Variants in MYO18B observed in about 807,000 individuals in gnomAD.
The protein encoded by MYO18B is unconventional myosin-XVIIIb.
A neutral mutation model predicts 273.0 loss-of-function variants in MYO18B; 204 were observed. The observed-to-expected ratio is 0.75, with a 90% confidence interval of 0.67 to 0.84. The LOEUF (loss-of-function observed/expected upper bound fraction) is 0.84, where lower values mean the gene tolerates loss of function less well. MYO18B is among the 40% of genes least tolerant of loss of function. The pLI, the probability that MYO18B is intolerant of heterozygous loss-of-function variation, is 0.00. For missense variants in MYO18B, 3,212 were observed against 3,287.6 expected (o/e 0.98, Z 0.56); for synonymous variants, 1,330 against 1,305.7 (o/e 1.02, Z -0.40).
chr22:25,752,993 G>A (rs1026663803), intron 1 of MYO18B, among the ~76,000 whole-genome samples: 7 of 152,184 alleles, frequency 4.6e-5, no homozygotes, highest in African/African-American at 1.7e-4. Flanking sequence ...CTGCTGGCCC[G>A]CCCGCGCTGC....
intron 32 of MYO18B, among the ~76,000 whole-genome samples, chr22:25,910,710 A>T (rs1244642712): frequency 4.6e-5 from 7 of 152,258 alleles, no homozygotes. Flanking sequence ...GGGGTTTCAC[A>T]GTCAAGGGCA....
At chr22:25,770,064 C>G (rs1486462659) in intron 4 of MYO18B, 46 bp from the exon 5 acceptor site, 1 of 1,587,880 alleles carries the variant, frequency 6.3e-7, no homozygotes, top group African/African-American at 1.3e-5. Context: ...AGAAGATGGG[C>G]AGCGGTGCCA....
At chr22:25,771,049 C>A in intron 6 of MYO18B, 65 bp downstream of exon 6, 1 of 1,100,592 alleles carries the variant, frequency 9.1e-7, no homozygotes, top group Non-Finnish European at 1.3e-6. Context: ...CAGCTCCATA[C>A]CCTCCTTCCC....
intron 24 of MYO18B, chr22:25,877,007 T>C (rs2091218605): frequency 6.6e-6 from 1 of 152,240 alleles, no homozygotes; most frequent in Admixed American, 6.5e-5. Context: ...GTGAAGCAGC[T>C]TCTGAATGGT....
rs756214241 is a variant in MYO18B at position 25,874,339 on chromosome 22, G to C, written c.4005G>C (p.Leu1335=). The C allele has an allele frequency of 7.4e-6, 12 of 1,613,934 alleles. No homozygotes were observed. The highest frequency in any genetic ancestry group is 1.0e-5 in the Non-Finnish European group (12 of 1,179,872). The change falls in exon 23 of 44, where the codon CTG becomes CTC. Residue 1335 remains leucine, a synonymous_variant. Transcript: ENST00000335473. ...ISRLEKQREK[L]VSQSIVLFQA... is the part of the protein sequence containing the mutation. ...GGCTTGAGAAGCAGCGAGAGAAGCTGGTATCTCAGAGCATCGTTCTCTTCC... is the reference window on the plus strand; with the variant it reads ...GGCTTGAGAAGCAGCGAGAGAAGCTCGTATCTCAGAGCATCGTTCTCTTCC...
the MYO18B span, among the ~76,000 whole-genome samples, chr22:26,041,760 G>A: frequency 1.4e-4 from 22 of 152,292 alleles, no homozygotes; most frequent in East Asian, 4.1e-3. Flanking sequence ...TAGCAGTGCA[G>A]GCATGAGAAG....
chr22:25,825,526 A>C (rs923667157), intron 13 of MYO18B, among the ~76,000 whole-genome samples: 4 of 152,194 alleles, frequency 2.6e-5, no homozygotes, highest in Non-Finnish European at 5.9e-5. Context: ...AATGGGATGC[A>C]TATACATGCG....
intron 42 of MYO18B, among the ~76,000 whole-genome samples, chr22:26,015,757 A>G (rs2146964756): frequency 6.6e-6 from 1 of 152,322 alleles, no homozygotes; most frequent in South Asian, 2.1e-4. Context: ...CTGTGACATG[A>G]GTTTACCTAT....
At chr22:25,869,449 CAAAAAAA>C (rs58609325) in intron 22 of MYO18B, among the ~76,000 whole-genome samples, 1 of 58,120 alleles carries the variant, frequency 1.7e-5, no homozygotes, top group South Asian at 8.4e-4. Flanking sequence ...TACTGTGTCT[CAAAAAAA>C]AAAAAAAAAA....
intron 34 of MYO18B, among the ~76,000 whole-genome samples, chr22:25,926,537 C>T (rs2092423903): frequency 6.6e-6 from 1 of 152,130 alleles, no homozygotes; most frequent in African/African-American, 2.4e-5. Context: ...TCAAGTGATC[C>T]ACCCACCTCA....
chr22:25,943,711 C>CTTT (rs59256754), intron 34 of MYO18B, among the ~76,000 whole-genome samples: 5 of 79,572 alleles, frequency 6.3e-5, no homozygotes, highest in Non-Finnish European at 1.0e-4. Context: ...TCTTTCTTTC[C>CTTT]TTTTTTTTTT....
chr22:25,853,321 GTCT>G (rs1477059247), intron 21 of MYO18B, among the ~76,000 whole-genome samples: 23 of 152,348 alleles, frequency 1.5e-4, no homozygotes, highest in African/African-American at 5.3e-4. Context: ...ATTCTTAGGT[GTCT>G]TCTTAGTTCT....
chr22:25,781,891 T>C, intron 10 of MYO18B, 57 bp downstream of exon 10: 1 of 1,216,538 alleles, frequency 8.2e-7, no homozygotes, highest in Non-Finnish European at 1.1e-6. Flanking sequence ...GGGCACATGT[T>C]CTTTGGGGGC....
At chr22:25,899,832 T>C (rs946609958) in intron 29 of MYO18B, 5 of 23,796 alleles carry the variant, frequency 2.1e-4, no homozygotes, top group Non-Finnish European at 5.2e-4. Flanking sequence ...TGCAGAAGTC[T>C]CAGTTTAACA....
chr22:25,829,057 A>G (rs2089605223), intron 15 of MYO18B, 89 bp downstream of exon 15: 1 of 1,395,466 alleles, frequency 7.2e-7, no homozygotes, highest in African/African-American at 1.4e-5. Context: ...ATTCCCCAGG[A>G]GCCTGCAGCT....
In MYO18B at chr22:25,992,357, C is replaced by A; in HGVS notation, c.6157-6C>A. On this transcript the variant is annotated splice_region_variant and splice_polypyrimidine_tract_variant and intron_variant, in intron 39 of 43. Coordinates refer to ENST00000335473, the MANE Select transcript of MYO18B (RefSeq NM_032608.7). ...GCCAACGTGTGTTTGCATCTTCTGT[C>A]CCCAGGAGAAGTACGTGGAGGAACT... 1.2e-6 allele frequency: 2 copies of A among 1,613,676 alleles called. No individual in the cohort carries two copies. Among genetic ancestry groups the A allele is most frequent in the Non-Finnish European group, 1.7e-6 (2 of 1,179,632 alleles).
chr22:25,829,864 A>G (rs189100419), intron 15 of MYO18B, among the ~76,000 whole-genome samples: 275 of 151,780 alleles, frequency 1.8e-3, no homozygotes, highest in Non-Finnish European at 2.5e-3. Context: ...AATATAAAAT[A>G]AAATAAAATA....
At chr22:25,933,361 C>G (rs2092534309) in intron 34 of MYO18B, among the ~76,000 whole-genome samples, 2 of 152,142 alleles carry the variant, frequency 1.3e-5, no homozygotes, top group East Asian at 3.8e-4. Flanking sequence ...TCCACCTGGC[C>G]TTTGCAGTAA....
At chr22:25,779,159 A>G (rs190985481) in intron 8 of MYO18B, among the ~76,000 whole-genome samples, 50 of 152,298 alleles carry the variant, frequency 3.3e-4, no homozygotes, top group African/African-American at 1.1e-3. Context: ...TCTAAGAATC[A>G]GTTTTTGCTC....
Sources: gnomAD v4.1 joint callset for allele counts (sites outside exome capture counted in the v4.1 genomes callset) on GRCh38, gnomAD v4.1.1 for gene constraint, MANE v1.5 for transcripts, NCBI Gene and HGNC (gene_info 2026-07-23, HGNC 2026-07-21) for gene names.